CPS1: variants seen among roughly 807,000 people sequenced by gnomAD.
CPS1 encodes carbamoyl-phosphate synthase 1.
Under a neutral mutation model 174.6 loss-of-function variants are expected in CPS1, and 109 were observed. The ratio of observed to expected loss-of-function variants is 0.62; its 90% CI spans 0.53 to 0.73. The LOEUF is 0.73. Among genes scored for constraint, CPS1 ranks in the 30% least tolerant of loss-of-function variants. The pLI is 0.00. For synonymous variants in CPS1, 637 were observed against 632.0 expected (o/e 1.01, Z -0.12); for missense variants, 1,689 against 1,821.9 (o/e 0.93, Z 1.33).
intron 21 of CPS1, among the ~76,000 whole-genome samples, chr2:210,624,158 C>T (rs998290059): frequency 6.6e-6 from 1 of 151,890 alleles, no homozygotes; most frequent in African/African-American, 2.4e-5. Context: ...TTTAGTGGAA[C>T]CCATTAATTT....
intron 20 of CPS1, among the ~76,000 whole-genome samples, chr2:210,612,686 A>G (rs1020692939): frequency 5.3e-5 from 8 of 151,948 alleles, no homozygotes; most frequent in African/African-American, 1.9e-4. Context: ...AGGAAGGTGC[A>G]TACAATAATG....
chr2:210,616,630 T>A, intron 21 of CPS1, 89 bp downstream of exon 21: 4 of 858,876 alleles, frequency 4.7e-6, no homozygotes, highest in South Asian at 1.3e-5. Flanking sequence ...TTGGTCTACA[T>A]TGTGATTCAA....
chr2:210,664,586 G>A (rs759891199), intron 33 of CPS1, among the ~76,000 whole-genome samples: 18 of 152,188 alleles, frequency 1.2e-4, no homozygotes, highest in Admixed American at 2.0e-4. Flanking sequence ...TGATCCGCCC[G>A]CTACAGACAT....
At chr2:210,630,453 T>A (rs1302602438) in intron 21 of CPS1, among the ~76,000 whole-genome samples, 1 of 152,234 alleles carries the variant, frequency 6.6e-6, no homozygotes, top group Non-Finnish European at 1.5e-5. Flanking sequence ...GTATGCCATT[T>A]TTTGAAAACT....
intron 1 of CPS1, among the ~76,000 whole-genome samples, chr2:210,547,638 T>C (rs867712279): frequency 1.3e-5 from 2 of 152,070 alleles, no homozygotes; most frequent in African/African-American, 2.4e-5. Flanking sequence ...AGACCCTTAA[T>C]TGAAGATATT....
chr2:210,520,371 T>G (rs1304276356), intron 1 of CPS1, among the ~76,000 whole-genome samples: 1 of 152,038 alleles, frequency 6.6e-6, no homozygotes, highest in Non-Finnish European at 1.5e-5. Flanking sequence ...TAGGTATATA[T>G]GTGCCATGGT....
In CPS1 at chr2:210,675,806, G is replaced by A; in HGVS notation, c.4240G>A (p.Glu1414Lys). The A allele has an allele frequency of 6.3e-7, 1 of 1,593,150 alleles. No individual in the cohort carries two copies. Among genetic ancestry groups the A allele is most frequent in the Non-Finnish European group, 8.6e-7 (1 of 1,160,842 alleles). ...CACCCCAGTGGCATGGCCGTCTCAAGAAGGACAGAATCCCAGCCTCTCTTC... is the reference window on the plus strand; with the variant it reads ...CACCCCAGTGGCATGGCCGTCTCAAAAAGGACAGAATCCCAGCCTCTCTTC... ...PATPVAWPSQ[E>K]GQNPSLSSIR... is the part of the protein sequence containing the mutation. The change falls in exon 36 of 38, where the codon GAA becomes AAA. Residue 1414 changes from glutamate to lysine, a missense_variant. Glu to Lys is a moderately conservative substitution (Grantham distance 56). Transcript: ENST00000233072.
chr2:210,541,564 A>G (rs901507456), intron 1 of CPS1, among the ~76,000 whole-genome samples: 1 of 152,140 alleles, frequency 6.6e-6, no homozygotes, highest in African/African-American at 2.4e-5. Context: ...GGAATTAAGC[A>G]ATCAGTGAAA....
intron 21 of CPS1, among the ~76,000 whole-genome samples, chr2:210,620,614 A>C (rs991885389): frequency 3.7e-4 from 57 of 152,066 alleles, no homozygotes; most frequent in Admixed American, 9.2e-4. Flanking sequence ...GGCGGAAGGC[A>C]AAAGGAAAGC....
At chr2:210,618,266 A>G (rs553526578) in intron 21 of CPS1, 1 of 152,192 alleles carries the variant, frequency 6.6e-6, no homozygotes, top group East Asian at 1.9e-4. Flanking sequence ...GCATAAATAT[A>G]TTTGTAAATA....
chr2:210,548,367 A>G (rs1696619128), intron 1 of CPS1, among the ~76,000 whole-genome samples: 1 of 152,070 alleles, frequency 6.6e-6, no homozygotes, highest in Admixed American at 6.6e-5. Flanking sequence ...TTAGTTTACA[A>G]GATGTTCAAG....
chr2:210,508,072 G>T (rs62203701), intron 1 of CPS1, among the ~76,000 whole-genome samples: 91,562 of 150,202 alleles, frequency 0.61, 28,289 homozygotes, highest in South Asian at 0.68. Flanking sequence ...CAACAGAATA[G>T]ACATTCTTTT....
chr2:210,672,273 A>T (rs996749360), intron 34 of CPS1: 6 of 152,190 alleles, frequency 3.9e-5, no homozygotes, highest in African/African-American at 9.6e-5. Flanking sequence ...TTATCAGGGA[A>T]TTTTTGCTAG....
intron 13 of CPS1, among the ~76,000 whole-genome samples, chr2:210,596,290 C>T (rs1025619972): frequency 6.6e-6 from 1 of 151,872 alleles, no homozygotes; most frequent in African/African-American, 2.4e-5. Flanking sequence ...TGGTACCCCT[C>T]GTTGTGCTAA....
chr2:210,588,688 C>T (rs1490150672), intron 7 of CPS1, among the ~76,000 whole-genome samples: 1 of 152,032 alleles, frequency 6.6e-6, no homozygotes, highest in Non-Finnish European at 1.5e-5. Flanking sequence ...CTTCTCCTCA[C>T]TCCTCTCTCA....
chr2:210,492,479 A>G (rs1044870554), intron 1 of CPS1, among the ~76,000 whole-genome samples: 4 of 152,208 alleles, frequency 2.6e-5, no homozygotes, highest in Non-Finnish European at 5.9e-5. Context: ...GTTCTTTAGA[A>G]TGAAGTATAC....
At chr2:210,573,549 C>T (rs1161926484) in intron 2 of CPS1, 142 bp downstream of exon 2, 4 of 689,274 alleles carry the variant, frequency 5.8e-6, no homozygotes, top group Non-Finnish European at 1.0e-5. Flanking sequence ...TTGTGCATAG[C>T]CTACTGCTGC....
chr2:210,655,862 C>T (rs145570748), intron 29 of CPS1, among the ~76,000 whole-genome samples: 166 of 152,264 alleles, frequency 1.1e-3, no homozygotes, highest in African/African-American at 3.7e-3. Flanking sequence ...CATCATTTCC[C>T]AAGGACACAC....
At chr2:210,677,530 T>G (rs1701573074) in intron 37 of CPS1, among the ~76,000 whole-genome samples, 1 of 152,244 alleles carries the variant, frequency 6.6e-6, no homozygotes, top group African/African-American at 2.4e-5. Context: ...AGAAAATGAT[T>G]GCATGAGGCA....
Sources: allele counts gnomAD v4.1 joint callset (sites outside exome capture counted in the v4.1 genomes callset), GRCh38; gene constraint gnomAD v4.1.1; transcripts MANE v1.5; gene names NCBI Gene and HGNC (gene_info 2026-07-23, HGNC 2026-07-21).